Variants in MEGF11 observed in about 807,000 individuals in gnomAD.
The protein encoded by MEGF11 is multiple epidermal growth factor-like domains protein 11.
A neutral mutation model predicts 146.6 loss-of-function variants in MEGF11; 126 were observed. The observed-to-expected ratio is 0.86, with a 90% confidence interval of 0.74 to 1.00. The LOEUF is 1.00. Ranked by LOEUF, MEGF11 falls within the 50% of genes least tolerant of loss-of-function variation. MEGF11 has a pLI of 0.00. For synonymous variants in MEGF11, 532 were observed against 583.4 expected, an observed-to-expected ratio of 0.91 and a Z score of 1.27; for missense variants, 1,509 against 1,521.2, an observed-to-expected ratio of 0.99 and a Z score of 0.13.
At chr15:66,221,300 C>T (rs2091732071) in intron 1 of MEGF11, among the ~76,000 whole-genome samples, 1 of 151,988 alleles carries the variant, frequency 6.6e-6, no homozygotes, top group Admixed American at 6.5e-5. Flanking sequence ...AGCACGCCTG[C>T]CTCCCTCCCA....
chr15:66,183,535 C>CAAAA (rs1491447055), intron 1 of MEGF11, among the ~76,000 whole-genome samples: 2 of 99,510 alleles, frequency 2.0e-5, no homozygotes, highest in African/African-American at 7.9e-5. Context: ...ACCCCCCTGC[C>CAAAA]AAAAAGAAAA....
At chr15:66,122,783 T>TGTTTC (rs933894490) in intron 3 of MEGF11, among the ~76,000 whole-genome samples, 3 of 151,766 alleles carry the variant, frequency 2.0e-5, no homozygotes, top group Admixed American at 6.6e-5. Context: ...TGTTTTGTTT[T>TGTTTC]GTTTTGTTTT....
At chr15:66,054,643 G>A (rs2084606505) in intron 5 of MEGF11, among the ~76,000 whole-genome samples, 1 of 152,240 alleles carries the variant, frequency 6.6e-6, no homozygotes, top group Non-Finnish European at 1.5e-5. Flanking sequence ...TTGGGCTGCA[G>A]AGGTATTCTT....
At chr15:66,008,312 T>C (rs1462996563) in intron 5 of MEGF11, among the ~76,000 whole-genome samples, 1 of 152,064 alleles carries the variant, frequency 6.6e-6, no homozygotes, top group Non-Finnish European at 1.5e-5. Context: ...ACCCTTTTTC[T>C]AAGCACTAGG....
chr15:66,251,187 C>G (rs776182060), intron 1 of MEGF11, among the ~76,000 whole-genome samples: 7 of 152,228 alleles, frequency 4.6e-5, no homozygotes, highest in Non-Finnish European at 7.3e-5. Context: ...TTGGCCCTGA[C>G]AGTGCTGTGC....
At chr15:66,121,742 C>T (rs1294942222) in intron 3 of MEGF11, among the ~76,000 whole-genome samples, 4 of 152,200 alleles carry the variant, frequency 2.6e-5, no homozygotes, top group Non-Finnish European at 5.9e-5. Context: ...CCTGCCCAAG[C>T]GTCTGGCCAC....
intron 1 of MEGF11, among the ~76,000 whole-genome samples, chr15:66,194,794 C>T (rs1399451673): frequency 1.3e-5 from 2 of 152,054 alleles, no homozygotes; most frequent in African/African-American, 2.4e-5. Context: ...CCAAACATGA[C>T]TTGTTCCCCC....
At chr15:66,248,044 G>A (rs920067137) in intron 1 of MEGF11, among the ~76,000 whole-genome samples, 1 of 152,020 alleles carries the variant, frequency 6.6e-6, no homozygotes, top group African/African-American at 2.4e-5. Flanking sequence ...TGCCTGTGGT[G>A]GTTGACTTAG....
intron 8 of MEGF11, among the ~76,000 whole-genome samples, chr15:65,967,407 A>G (rs1355755960): frequency 2.6e-5 from 4 of 152,274 alleles, no homozygotes; most frequent in Non-Finnish European, 5.9e-5. Flanking sequence ...GGCTTTCTGT[A>G]TATCTTCTAC....
chr15:66,079,125 C>T (rs2085723046), intron 5 of MEGF11, among the ~76,000 whole-genome samples: 1 of 152,196 alleles, frequency 6.6e-6, no homozygotes, highest in South Asian at 2.1e-4. Flanking sequence ...CTCTGGGAGA[C>T]TGCCCTTTCT....
At chr15:66,051,099 C>T (rs1434985022) in intron 5 of MEGF11, among the ~76,000 whole-genome samples, 2 of 152,232 alleles carry the variant, frequency 1.3e-5, no homozygotes, top group East Asian at 3.8e-4. Context: ...TAGCACTTGA[C>T]CATACAAAGT....
chr15:65,997,493 C>G (rs2082236251), intron 5 of MEGF11, among the ~76,000 whole-genome samples: 1 of 152,202 alleles, frequency 6.6e-6, no homozygotes, highest in South Asian at 2.1e-4. Context: ...ACACTACATC[C>G]TTAGAGTCTT....
intron 1 of MEGF11, among the ~76,000 whole-genome samples, chr15:66,246,852 C>T (rs113056968): frequency 6.6e-6 from 1 of 152,112 alleles, no homozygotes; most frequent in African/African-American, 2.4e-5. Context: ...GGAGATGAAA[C>T]GTGGCTTGAG....
intron 2 of MEGF11, among the ~76,000 whole-genome samples, chr15:66,126,662 G>T (rs1439122741): frequency 6.6e-6 from 1 of 152,174 alleles, no homozygotes; most frequent in Non-Finnish European, 1.5e-5. Context: ...CACTCGAGGG[G>T]CTGTGAGGCA....
intron 1 of MEGF11, among the ~76,000 whole-genome samples, chr15:66,242,145 A>T (rs549642368): frequency 6.6e-6 from 1 of 152,268 alleles, no homozygotes; most frequent in South Asian, 2.1e-4. Context: ...AGTGACTCAC[A>T]TCTATAATCT....
At chr15:65,912,337 T>A (rs1486324175) in intron 20 of MEGF11, 137 bp from the exon 21 acceptor site, 3 of 447,270 alleles carry the variant, frequency 6.7e-6, no homozygotes, top group Non-Finnish European at 7.3e-6. Flanking sequence ...CCCCCAAGCT[T>A]CCTGGCATCC....
At chr15:66,201,115 G>A (rs2091146889) in intron 1 of MEGF11, among the ~76,000 whole-genome samples, 1 of 152,142 alleles carries the variant, frequency 6.6e-6, no homozygotes, top group Non-Finnish European at 1.5e-5. Flanking sequence ...CCTGGTGTGT[G>A]ATGACAGACC....
intron 5 of MEGF11, among the ~76,000 whole-genome samples, chr15:66,085,423 T>C (rs2086066778): frequency 2.6e-5 from 4 of 151,556 alleles, no homozygotes; most frequent in South Asian, 2.1e-4. Context: ...ATGGAGTCCA[T>C]TGCACCCTCT....
intron 5 of MEGF11, among the ~76,000 whole-genome samples, chr15:66,090,220 AAGGGC>A (rs71139463): frequency 0.2 from 30,380 of 151,934 alleles, 3,161 homozygotes; most frequent in East Asian, 0.39. Flanking sequence ...GGCAGCCACA[AAGGGC>A]AGGGCAGGGC....
Sources: allele counts gnomAD v4.1 joint callset (sites outside exome capture counted in the v4.1 genomes callset), GRCh38; gene constraint gnomAD v4.1.1; transcripts MANE v1.5; gene names NCBI Gene and HGNC (gene_info 2026-07-23, HGNC 2026-07-21).